The following AADAC variants were observed in gnomAD, a reference collection of about 807,000 sequenced individuals.
AADAC encodes the protein arylacetamide deacetylase (esterase).
A neutral mutation model predicts 22.7 loss-of-function variants in AADAC; 17 were observed. The ratio of observed to expected loss-of-function variants is 0.75; its 90% CI spans 0.51 to 1.12. The LOEUF is 1.12. AADAC is among the 50% of genes most tolerant of loss of function. The probability of loss-of-function intolerance (pLI) is 0.00; values close to 1 mark genes in which losing one functional copy is unlikely to be tolerated. For synonymous variants in AADAC, 167 were observed against 176.3 expected (o/e 0.95, Z 0.42); for missense variants, 465 against 473.9 (o/e 0.98, Z 0.17).
intron 3 of AADAC, among the ~76,000 whole-genome samples, chr3:151,821,341 G>C (rs957712778): frequency 6.6e-6 from 1 of 151,852 alleles, no homozygotes; most frequent in Non-Finnish European, 1.5e-5. Flanking sequence ...AAATAGATGA[G>C]TTCATATAAA....
Position 151,827,083 on chromosome 3 carries a change from T to C in AADAC, c.604-493T>C, listed in dbSNP as rs550063123. ...GTGTGCGTTACCATACCTGGCTAATTTTTGTATTTTTAGTCAAGACGGGTT... is the reference window on the plus strand; with the variant it reads ...GTGTGCGTTACCATACCTGGCTAATCTTTGTATTTTTAGTCAAGACGGGTT... On this transcript the variant is annotated intron_variant, in intron 4 of 4. Transcript: ENST00000232892. Among the ~76,000 whole-genome samples the C allele has an allele frequency of 3.3e-5, 5 of 151,880 alleles. No individual in the cohort carries two copies. The South Asian group carries it at 6.3e-4, about 19-fold the overall frequency.
At chr3:151,821,260 C>T (rs192906532) in intron 3 of AADAC, among the ~76,000 whole-genome samples, 15 of 151,774 alleles carry the variant, frequency 9.9e-5, no homozygotes, top group Non-Finnish European at 1.8e-4. Flanking sequence ...TAAAATATAG[C>T]GTATAGTTTA....
chr3:151,814,361 A>C, intron 1 of AADAC, 61 bp downstream of exon 1: 1 of 1,478,386 alleles, frequency 6.8e-7, no homozygotes, highest in Non-Finnish European at 9.1e-7. Flanking sequence ...CAGAGAATTA[A>C]GTTTTTCAAG....
intron 4 of AADAC, 141 bp downstream of exon 4, chr3:151,824,975 A>G (rs377047578): frequency 0.084 from 52,899 of 627,218 alleles, 2,877 homozygotes; most frequent in Middle Eastern, 0.1. Context: ...TAAAGAGAAT[A>G]TTGAGAAGAA....
rs568566549 is a variant in AADAC, at chr3:151,814,236, A to G, written c.74A>G (p.Asp25Gly). Reference protein sequence around the residue: ...IAYYIYTPLPDNVEEPWRMMW... With the variant: ...IAYYIYTPLPGNVEEPWRMMW... ...TATTATATTTATACGCCTCTCCCAG[A>G]TAACGTTGAGGAGCCATGGAGAATG... is the stretch of plus-strand genomic sequence containing the variant. Residue 25 changes from aspartate (D) to glycine (G), a missense_variant, in exon 1 of 5, where the codon GAT becomes GGT. Asp to Gly is a moderately conservative substitution (Grantham distance 94). Coordinates refer to ENST00000232892, the MANE Select transcript of AADAC (RefSeq NM_001086.3). 1 of 1,613,172 alleles carries G rather than the reference A, an allele frequency of 6.2e-7. No homozygotes were observed.
At position 151,820,376 on chromosome 3, in the gene AADAC, A is replaced by G; in HGVS notation, c.362-7A>G. ...ACTAATATGTTGCTTTTATCCTTTTATTTCAGCTCTAAGTGGTTATGACTT... is the reference window on the plus strand; with the variant it reads ...ACTAATATGTTGCTTTTATCCTTTTGTTTCAGCTCTAAGTGGTTATGACTT... On this transcript the variant is annotated splice_region_variant and splice_polypyrimidine_tract_variant and intron_variant, in intron 2 of 4. Transcript: ENST00000232892. 3.8e-6 allele frequency: 6 copies of G among 1,566,842 alleles called. No homozygotes were observed. Among genetic ancestry groups the G allele is most frequent in the Non-Finnish European group, 5.2e-6 (6 of 1,153,942 alleles).
intron 3 of AADAC, among the ~76,000 whole-genome samples, chr3:151,823,608 T>G (rs1181806453): frequency 6.6e-6 from 1 of 151,952 alleles, no homozygotes; most frequent in Admixed American, 6.6e-5. Context: ...GAGAAAGACA[T>G]AAGATACCAA....
chr3:151,824,680 A>C lies in AADAC; in HGVS notation c.449A>C (p.Lys150Thr). 1 of 1,580,652 alleles carries C rather than the reference A, an allele frequency of 6.3e-7. No individual in the cohort carries two copies. Among genetic ancestry groups the C allele is most frequent in the Non-Finnish European group, 8.6e-7 (1 of 1,165,974 alleles). The change falls in exon 4 of 5, where the codon AAG becomes ACG. Residue 150 changes from lysine to threonine, a missense_variant. Physicochemically the swap from Lys to Thr is moderately conservative, Grantham distance 78. Coordinates refer to ENST00000232892, the MANE Select transcript of AADAC (RefSeq NM_001086.3). The part of the protein sequence containing the change: ...VVSTNYRLAP[K>T]YHFPIQFEDV... ...CTCTACAGCTACAGATTAGCACCTA[A>C]GTATCATTTCCCAATTCAATTTGAA...
intron 3 of AADAC, among the ~76,000 whole-genome samples, chr3:151,822,023 T>C (rs970131831): frequency 1.3e-5 from 2 of 151,864 alleles, no homozygotes; most frequent in Non-Finnish European, 2.9e-5. Flanking sequence ...TATTAAAAGA[T>C]AGATAATTTT....
chr3:151,816,757 G>A (rs1377541244), intron 1 of AADAC, among the ~76,000 whole-genome samples: 1 of 151,988 alleles, frequency 6.6e-6, no homozygotes, highest in African/African-American at 2.4e-5. Flanking sequence ...CCAGATGGTT[G>A]ACACTTTTTT....
At chr3:151,817,937 T>C (rs1716061461) in intron 2 of AADAC, among the ~76,000 whole-genome samples, 1 of 152,054 alleles carries the variant, frequency 6.6e-6, no homozygotes, top group East Asian at 1.9e-4. Flanking sequence ...AATATTTTTA[T>C]ATCTTTGAAT....
At chr3:151,819,748 G>A (rs1306675241) in intron 2 of AADAC, among the ~76,000 whole-genome samples, 1 of 151,374 alleles carries the variant, frequency 6.6e-6, no homozygotes, top group African/African-American at 2.4e-5. Context: ...AGATAGGAAG[G>A]TTGGAAATGG....
rs148781705 is a variant in AADAC, at chr3:151,827,945, G to A, written c.973G>A (p.Asp325Asn). 1.6e-4 allele frequency: 251 copies of A among 1,610,998 alleles called. 3 individuals are homozygous for A. In the African/African-American group the frequency reaches 3.0e-3, roughly 19 times the overall value. Residue 325 changes from aspartate to asparagine, a missense_variant, in exon 5 of 5, where the codon GAT becomes AAT. By Grantham distance (23) the Asp-to-Asn change is conservative. Transcript: ENST00000232892. ...LDVRAAPLLA[D>N]DNKLRGLPLT... ...TGTGAGGGCAGCCCCTTTGTTGGCT[G>A]ATGACAACAAATTACGTGGCTTACC...
At chr3:151,826,927 T>A (rs1716519591) in intron 4 of AADAC, among the ~76,000 whole-genome samples, 1 of 151,904 alleles carries the variant, frequency 6.6e-6, no homozygotes, top group Non-Finnish European at 1.5e-5. Context: ...AATAATATAT[T>A]TTTTTGAGAC....
intron 1 of AADAC, among the ~76,000 whole-genome samples, chr3:151,815,006 T>C (rs1293136141): frequency 2.0e-5 from 3 of 152,100 alleles, no homozygotes; most frequent in South Asian, 4.1e-4. Flanking sequence ...ATTAATCTTT[T>C]ATTTTGCATT....
chr3:151,817,387 G>A lies in AADAC; in HGVS notation c.160G>A (p.Gly54Arg). 1 of 1,613,374 alleles carries A rather than the reference G, an allele frequency of 6.2e-7. No individual in the cohort carries two copies. Among genetic ancestry groups the A allele is most frequent in the Non-Finnish European group, 8.5e-7 (1 of 1,179,424 alleles). Reference sequence around the variant, plus strand: ...TTAGGCTACATTTGTGGAGCTCCTGGGACTTCACCATTTTATGGATTCCTT... The same window carrying A: ...TTAGGCTACATTTGTGGAGCTCCTGAGACTTCACCATTTTATGGATTCCTT... ...QNLATFVELL[G>R]LHHFMDSFKV... The change falls in exon 2 of 5, where the codon GGA (glycine) becomes AGA (arginine). Residue 54 changes from glycine (G) to arginine (R), a missense_variant. Gly to Arg is a moderately radical substitution (Grantham distance 125). Coordinates refer to ENST00000232892, the MANE Select transcript of AADAC (RefSeq NM_001086.3).
intron 2 of AADAC, 26 bp downstream of exon 2, chr3:151,817,614 T>TGTCA: frequency 6.2e-7 from 1 of 1,600,586 alleles, no homozygotes; most frequent in Non-Finnish European, 8.6e-7. Context: ...GAAAAATCTC[T>TGTCA]GTCACTGAGG....
intron 1 of AADAC, among the ~76,000 whole-genome samples, chr3:151,815,381 T>C (rs1715939673): frequency 6.6e-6 from 1 of 152,094 alleles, no homozygotes; most frequent in African/African-American, 2.4e-5. Flanking sequence ...AGAAATCATA[T>C]GAAACATTTG....
intron 4 of AADAC, among the ~76,000 whole-genome samples, chr3:151,826,759 T>C (rs1205882422): frequency 6.6e-6 from 1 of 151,914 alleles, no homozygotes; most frequent in African/African-American, 2.4e-5. Context: ...CACAACAGAC[T>C]TGATATAAAA....
Sources: allele counts gnomAD v4.1 joint callset (sites outside exome capture counted in the v4.1 genomes callset), GRCh38; gene constraint gnomAD v4.1.1; transcripts MANE v1.5; gene names NCBI Gene and HGNC (gene_info 2026-07-23, HGNC 2026-07-21).